MAP3K9: variants seen among roughly 807,000 people sequenced by gnomAD.
MAP3K9 encodes the protein mixed lineage kinase 1 (tyr and ser/thr specificity).
MAP3K9 carries 46 observed loss-of-function variants against 95.8 expected under a neutral mutation model. The ratio of observed to expected loss-of-function variants is 0.48; its 90% confidence interval spans 0.38 to 0.61. The LOEUF is 0.61. MAP3K9 is among the 20% of genes least tolerant of loss of function. The pLI is 0.00. For missense variants in MAP3K9, 1,296 were observed against 1,474.3 expected (o/e 0.88, Z 1.98); for synonymous variants, 533 against 593.8 (o/e 0.90, Z 1.49).
chr14:70,781,096 C>T (rs1262547241), intron 2 of MAP3K9, among the ~76,000 whole-genome samples: 2 of 152,228 alleles, frequency 1.3e-5, no homozygotes, highest in African/African-American at 4.8e-5. Context: ...GGGTCTGTGT[C>T]CTCTCCACTT....
chr14:70,795,720 C>CT (rs2139850319), intron 2 of MAP3K9, among the ~76,000 whole-genome samples: 1 of 152,010 alleles, frequency 6.6e-6, no homozygotes, highest in East Asian at 1.9e-4. Flanking sequence ...TTTCATATTA[C>CT]TTGAATATTG....
chr14:70,788,141 T>C (rs2054768134), intron 2 of MAP3K9, among the ~76,000 whole-genome samples: 1 of 152,248 alleles, frequency 6.6e-6, no homozygotes, highest in East Asian at 1.9e-4. Context: ...AGACTTTTCT[T>C]TGTATTTCAA....
intron 2 of MAP3K9, among the ~76,000 whole-genome samples, chr14:70,799,585 C>T (rs1255560439): frequency 1.3e-5 from 2 of 151,860 alleles, no homozygotes; most frequent in Non-Finnish European, 2.9e-5. Context: ...ATGATCTGCC[C>T]GCCTTGGCCT....
chr14:70,737,571 T>C (rs1021882021), intron 8 of MAP3K9, among the ~76,000 whole-genome samples: 2 of 152,144 alleles, frequency 1.3e-5, no homozygotes, highest in African/African-American at 4.8e-5. Context: ...AGAGGAGCCA[T>C]CATACATGGC....
chr14:70,788,494 G>A (rs1257450381), intron 2 of MAP3K9, among the ~76,000 whole-genome samples: 1 of 152,202 alleles, frequency 6.6e-6, no homozygotes, highest in East Asian at 1.9e-4. Flanking sequence ...AAGCCACAGA[G>A]GGTGTATCAT....
chr14:70,732,327 A>G (rs1037137877), intron 11 of MAP3K9, among the ~76,000 whole-genome samples: 16 of 152,114 alleles, frequency 1.1e-4, no homozygotes, highest in Middle Eastern at 3.4e-3. Flanking sequence ...TCTTCTTTCA[A>G]TCCTCAGGGA....
At chr14:70,759,114 A>G (rs552858401) in intron 3 of MAP3K9, among the ~76,000 whole-genome samples, 17 of 152,216 alleles carry the variant, frequency 1.1e-4, no homozygotes, top group Non-Finnish European at 2.2e-4. Context: ...GGAAGGACTG[A>G]TAATAGACAT....
At chr14:70,800,487 C>T (rs1053271823) in intron 2 of MAP3K9, among the ~76,000 whole-genome samples, 180 bp downstream of exon 2, 1 of 152,028 alleles carries the variant, frequency 6.6e-6, no homozygotes, top group Non-Finnish European at 1.5e-5. Flanking sequence ...TTCCTCTCTT[C>T]CTAAACCAAT....
intron 1 of MAP3K9, among the ~76,000 whole-genome samples, chr14:70,802,765 G>C (rs913647649): frequency 1.3e-5 from 2 of 152,126 alleles, no homozygotes; most frequent in Non-Finnish European, 2.9e-5. Context: ...GCCAGATTAT[G>C]AGACCCACAA....
chr14:70,804,279 A>G (rs77672193), intron 1 of MAP3K9, among the ~76,000 whole-genome samples: 8,370 of 152,310 alleles, frequency 0.055, 320 homozygotes, highest in African/African-American at 0.095. Flanking sequence ...TCCTGTGCTA[A>G]ATCTCTTTCT....
Position 70,725,776 on chromosome 14 carries a change from C to T in MAP3K9, c.*4604G>A, listed in dbSNP as rs1317255659. The T allele has an allele frequency of 6.6e-6, 1 of 152,040 alleles. No individual in the cohort carries two copies. The highest frequency in any genetic ancestry group is 1.9e-4 in the East Asian group (1 of 5,188). 9.4% of individuals were successfully genotyped at this position (152,040 alleles called of 1,614,324 possible). The stretch of plus-strand genomic sequence containing the variant: ...AGAGAGGCAGGTACATTAGGGTGAA[C>T]CATATGAAATAGCTGATATTCGACT... On this transcript the variant is annotated 3_prime_UTR_variant, in exon 12 of 12. Coordinates refer to ENST00000554752, the MANE Select transcript of MAP3K9 (RefSeq NM_001284230.2).
chr14:70,739,032 T>C, intron 7 of MAP3K9, among the ~76,000 whole-genome samples: 1 of 152,188 alleles, frequency 6.6e-6, no homozygotes, highest in Middle Eastern at 3.2e-3. Context: ...AGGCAAAATA[T>C]GGAGTATACG....
chr14:70,757,953 A>G (rs1169300473), intron 3 of MAP3K9, among the ~76,000 whole-genome samples: 2 of 152,176 alleles, frequency 1.3e-5, no homozygotes, highest in African/African-American at 4.8e-5. Flanking sequence ...AAACTCTTAG[A>G]AAAAAATATA....
At position 70,746,160 on chromosome 14, in the gene MAP3K9, C is replaced by T. The variant is rs556065922; in HGVS notation, c.1326+2669G>A. On this transcript the variant is annotated intron_variant, in intron 5 of 11. Transcript: ENST00000554752. ...GCTAATTTCAAGCTTCCTAAGCCCT[C>T]GTCTCCTCCATGCTCTTGTCTAAGG... is the stretch of plus-strand genomic sequence containing the variant. Among the ~76,000 whole-genome samples, 4 of 152,316 alleles carry T rather than the reference C, an allele frequency of 2.6e-5. No individual in the cohort carries two copies. In the South Asian group the frequency reaches 6.2e-4, roughly 24 times the overall value.
intron 11 of MAP3K9, among the ~76,000 whole-genome samples, chr14:70,731,524 C>T (rs1329956307): frequency 6.6e-6 from 1 of 152,198 alleles, no homozygotes; most frequent in Non-Finnish European, 1.5e-5. Flanking sequence ...ACTACGGCAG[C>T]GTAGTTTAGT....
chr14:70,788,426 C>T (rs7146255), intron 2 of MAP3K9, among the ~76,000 whole-genome samples: 2,289 of 152,320 alleles, frequency 0.015, 58 homozygotes, highest in African/African-American at 0.05. Flanking sequence ...CTCACTTCTA[C>T]CCCGTAAGAT....
At position 70,730,327 on chromosome 14, in the gene MAP3K9, G is replaced by T; in HGVS notation, c.*53C>A. 1 of 1,561,754 alleles carries T rather than the reference G, an allele frequency of 6.4e-7. No homozygotes were observed. On this transcript the variant is annotated 3_prime_UTR_variant, in exon 12 of 12. Transcript: ENST00000554752. ...CCCTGAGAAAGGGCTGTGCCCGCCA[G>T]CTCCCCTCATCTCCGCTGGCTGTCC...
In MAP3K9 at chr14:70,730,567, A is replaced by C. The variant is rs933532598; in HGVS notation, c.3128T>G (p.Val1043Gly). 6.2e-7 allele frequency: 1 copy of C among 1,614,006 alleles called. No individual in the cohort carries two copies. Among genetic ancestry groups the C allele is most frequent in the Admixed American group, 1.7e-5 (1 of 60,032 alleles). The stretch of plus-strand genomic sequence containing the variant: ...GGCTGGAAGTCCAGGCCGCTCCTCT[A>C]CAGTGCTGCTACTGCTAGCAAAGCA... ...DSCFASSSST[V>G]EERPGLPALL... The change falls in exon 12 of 12, where the codon GTA becomes GGA. Residue 1043 changes from valine to glycine, a missense_variant. Val to Gly is a moderately radical substitution (Grantham distance 109, BLOSUM62 -3). This residue lies in a region of MAP3K9 where 433 missense variants were observed against 441.4 expected (regional missense o/e 0.98). Transcript: ENST00000554752.
chr14:70,788,785 G>C lies in MAP3K9; in HGVS notation c.820+11882C>G, dbSNP rs1017628033. On this transcript the variant is annotated intron_variant, in intron 2 of 11. Coordinates refer to ENST00000554752, the MANE Select transcript of MAP3K9 (RefSeq NM_001284230.2). ...CAACCAGATTTAGAGAGTAGCTGTA[G>C]GAAACAAAGCTCTTATACAGAGATG... Among the ~76,000 whole-genome samples the C allele has an allele frequency of 2.0e-4, 31 of 152,294 alleles. 2 individuals carry two copies. The highest frequency in any genetic ancestry group is 2.9e-5 in the Non-Finnish European group (2 of 68,024).
Sources: allele counts gnomAD v4.1 joint callset (sites outside exome capture counted in the v4.1 genomes callset), GRCh38; gene constraint gnomAD v4.1.1; regional missense constraint gnomAD v4.1.1; transcripts MANE v1.5; gene names NCBI Gene and HGNC (gene_info 2026-07-23, HGNC 2026-07-21).